CMIP: variants seen among roughly 807,000 people sequenced by gnomAD.
CMIP encodes the protein C-Maf-inducing protein.
CMIP carries 13 observed loss-of-function variants against 97.3 expected under a neutral mutation model. That is an observed-to-expected ratio of 0.13 (90% CI 0.09 to 0.21). The LOEUF (loss-of-function observed/expected upper bound fraction) is 0.21, where lower values mean the gene tolerates loss of function less well. Among genes scored for constraint, CMIP ranks in the 10% least tolerant of loss-of-function variants. The probability of loss-of-function intolerance (pLI) is 1.00; values close to 1 mark genes in which losing one functional copy is unlikely to be tolerated. For missense variants in CMIP, 847 were observed against 1,024.9 expected, an observed-to-expected ratio of 0.83 and a Z score of 2.37; for synonymous variants, 538 against 436.3, an observed-to-expected ratio of 1.23 and a Z score of -2.91.
chr16:81,479,385 T>G (rs1908123433), intron 1 of CMIP, among the ~76,000 whole-genome samples: 1 of 152,152 alleles, frequency 6.6e-6, no homozygotes, highest in Non-Finnish European at 1.5e-5. Flanking sequence ...TTTTAACCAG[T>G]TTTAAGTGTG....
chr16:81,561,035 A>G (rs189248825), intron 1 of CMIP, among the ~76,000 whole-genome samples: 28 of 152,274 alleles, frequency 1.8e-4, no homozygotes, highest in Admixed American at 7.2e-4. Context: ...CTTCACTGCA[A>G]TCTTCACCTC....
intron 10 of CMIP, among the ~76,000 whole-genome samples, chr16:81,680,357 G>A (rs75248096): frequency 0.016 from 2,511 of 152,312 alleles, 80 homozygotes; most frequent in African/African-American, 0.058. Flanking sequence ...TGGCTGGGAG[G>A]CACCCTGGGG....
chr16:81,560,245 G>A (rs1436458386), intron 1 of CMIP, among the ~76,000 whole-genome samples: 2 of 149,574 alleles, frequency 1.3e-5, no homozygotes, highest in Non-Finnish European at 3.0e-5. Context: ...TTGAGACAGA[G>A]TCTCGCTCCG....
At chr16:81,574,709 G>A (rs1025492409) in intron 1 of CMIP, among the ~76,000 whole-genome samples, 3 of 152,172 alleles carry the variant, frequency 2.0e-5, no homozygotes, top group Non-Finnish European at 4.4e-5. Flanking sequence ...TGCTGGGCTG[G>A]TGCTGGGGAT....
intron 1 of CMIP, among the ~76,000 whole-genome samples, chr16:81,600,839 A>G (rs1184409487): frequency 1.3e-5 from 2 of 152,182 alleles, no homozygotes; most frequent in Non-Finnish European, 2.9e-5. Context: ...ACTGCGTATG[A>G]CACTGTGATG....
intron 3 of CMIP, among the ~76,000 whole-genome samples, chr16:81,646,469 A>T (rs561603283): frequency 1.3e-5 from 2 of 152,306 alleles, no homozygotes; most frequent in East Asian, 1.9e-4. Context: ...TAGCATTTTT[A>T]AAAAATAGCA....
chr16:81,558,389 C>G (rs117947475), intron 1 of CMIP, among the ~76,000 whole-genome samples: 8,088 of 152,274 alleles, frequency 0.053, 272 homozygotes, highest in Non-Finnish European at 0.083. Context: ...TGGGTCTGTA[C>G]CTGGAAATGG....
chr16:81,703,802 C>CTAA, intron 17 of CMIP, 137 bp from the exon 18 acceptor site: 1 of 1,249,034 alleles, frequency 8.0e-7, no homozygotes, highest in East Asian at 2.6e-5. Context: ...GCCCCCATCT[C>CTAA]AGCTCCTGGG....
At chr16:81,477,037 G>T (rs1274329755) in intron 1 of CMIP, among the ~76,000 whole-genome samples, 3 of 152,016 alleles carry the variant, frequency 2.0e-5, no homozygotes, top group Non-Finnish European at 4.4e-5. Context: ...TATCTCGTGG[G>T]GCTAATTCAT....
At chr16:81,466,665 C>T (rs1907224626) in intron 1 of CMIP, among the ~76,000 whole-genome samples, 1 of 152,182 alleles carries the variant, frequency 6.6e-6, no homozygotes, top group African/African-American at 2.4e-5. Context: ...TTTGAAATTA[C>T]AAAACCAATG....
At chr16:81,635,107 T>A (rs932671826) in intron 3 of CMIP, among the ~76,000 whole-genome samples, 2 of 152,210 alleles carry the variant, frequency 1.3e-5, no homozygotes, top group East Asian at 1.9e-4. Flanking sequence ...TGCATTTTTT[T>A]ATTTATTTGG....
chr16:81,683,091 C>T (rs756978052), intron 10 of CMIP, among the ~76,000 whole-genome samples: 2 of 152,314 alleles, frequency 1.3e-5, no homozygotes, highest in Admixed American at 6.5e-5. Flanking sequence ...TGTATACCTA[C>T]GCCAGGCCAG....
intron 1 of CMIP, among the ~76,000 whole-genome samples, chr16:81,585,726 C>G (rs751919708): frequency 2.4e-5 from 3 of 126,654 alleles, no homozygotes; most frequent in Non-Finnish European, 5.5e-5. Flanking sequence ...TCCTTTGCAT[C>G]TGCTGGAGGA....
Position 81,453,842 on chromosome 16 carries a change from G to A in CMIP, c.300+8301G>A, listed in dbSNP as rs551854547. 4.6e-5 allele frequency among the ~76,000 whole-genome samples: 7 copies of A among 152,234 alleles called. No homozygotes were observed. Among genetic ancestry groups the A allele is most frequent in the African/African-American group, 9.6e-5 (4 of 41,546 alleles). On this transcript the variant is annotated intron_variant, in intron 1 of 20. Transcript: ENST00000537098. This position sits in a 1 kb window ranked among gnomAD's most constrained non-coding sequence, Gnocchi z 4.0. The stretch of plus-strand genomic sequence containing the variant: ...AAAGAGTGAGCACCACAGCCAAGCC[G>A]TTTGTAGATCTGGCCGCTTGGTTGG...
chr16:81,466,185 C>A (rs563789266), intron 1 of CMIP, among the ~76,000 whole-genome samples: 16 of 152,150 alleles, frequency 1.1e-4, no homozygotes, highest in Admixed American at 2.0e-4. Flanking sequence ...CTCAGCCTCT[C>A]GAGTAGCTGG....
rs189107658 is a variant in CMIP, at chr16:81,691,850, G to T, written c.1454+10G>T. ...TTCCATTCCCCAAAGAGTAAGTCCCGTGTGCATCCCCGGAGCCCTCCCACC... is the reference window on the plus strand; with the variant it reads ...TTCCATTCCCCAAAGAGTAAGTCCCTTGTGCATCCCCGGAGCCCTCCCACC... On this transcript the variant is annotated intron_variant, in intron 11 of 20. Transcript: ENST00000537098. 4.3e-6 allele frequency: 7 copies of T among 1,611,946 alleles called. No homozygotes were observed. The African/African-American group carries it at 8.0e-5, about 18-fold the overall frequency.
intron 1 of CMIP, among the ~76,000 whole-genome samples, 193 bp downstream of exon 1, chr16:81,445,734 A>T (rs1192111099): frequency 6.6e-6 from 1 of 151,912 alleles, no homozygotes; most frequent in Admixed American, 6.6e-5. Flanking sequence ...TGAAGCCCAA[A>T]CCAGCCGACC....
At chr16:81,691,960 C>G in intron 11 of CMIP, 120 bp downstream of exon 11, 2 of 855,118 alleles carry the variant, frequency 2.3e-6, no homozygotes, top group Middle Eastern at 2.5e-4. Context: ...CGGGAAGACC[C>G]TGGAGACGTC....
chr16:81,636,066 T>C (rs976849987), intron 3 of CMIP, among the ~76,000 whole-genome samples: 4 of 128,812 alleles, frequency 3.1e-5, no homozygotes, highest in African/African-American at 7.5e-5. Flanking sequence ...TAAATTGGGC[T>C]GGTTGTGTGT....
Sources: allele counts gnomAD v4.1 joint callset (sites outside exome capture counted in the v4.1 genomes callset), GRCh38; gene constraint gnomAD v4.1.1; non-coding constraint Gnocchi (gnomAD v3.1); transcripts MANE v1.5; gene names NCBI Gene and HGNC (gene_info 2026-07-23, HGNC 2026-07-21).